Variants in SMC3 observed in about 807,000 individuals in gnomAD.
The protein encoded by SMC3 is structural maintenance of chromosomes protein 3.
A neutral mutation model predicts 171.8 loss-of-function variants in SMC3; 20 were observed. The observed-to-expected ratio is 0.12, with a 90% confidence interval of 0.08 to 0.17. The LOEUF (loss-of-function observed/expected upper bound fraction) is 0.17. Ranked by LOEUF, SMC3 falls within the 10% of genes least tolerant of loss-of-function variation. SMC3 has a pLI of 1.00. For synonymous variants in SMC3, 464 were observed against 451.1 expected, an observed-to-expected ratio of 1.03 and a Z score of -0.36; for missense variants, 543 against 1,420.4, an observed-to-expected ratio of 0.38 and a Z score of 9.93.
rs756824720 is a variant in SMC3, at chr10:110,584,328, A to G, written c.1237A>G (p.Ile413Val). 2.5e-6 allele frequency: 4 copies of G among 1,614,090 alleles called. No individual in the cohort carries two copies. The highest frequency in any genetic ancestry group is 3.4e-6 in the Non-Finnish European group (4 of 1,179,930). Residue 413 changes from isoleucine (I) to valine (V), a missense_variant, in exon 13 of 29, where the codon ATT (isoleucine) becomes GTT (valine). Ile to Val is a conservative substitution (Grantham distance 29, BLOSUM62 3). This residue lies in a region of SMC3 where 218 missense variants were observed against 509.6 expected (regional missense o/e 0.43). Transcript: ENST00000361804. The stretch of plus-strand genomic sequence containing the variant: ...GGCTATTAATGACAAGAAAAGACAG[A>G]TTGCTGCTATACATAAGGATTTGGA... ...DQAINDKKRQ[I>V]AAIHKDLEDT...
intron 17 of SMC3, 34 bp downstream of exon 17, chr10:110,591,166 T>C (rs1861199016): frequency 1.2e-6 from 2 of 1,600,314 alleles, no homozygotes; most frequent in Admixed American, 1.7e-5. Flanking sequence ...TATTTCTCTT[T>C]TATAATGTTA....
At chr10:110,578,757 C>G in intron 7 of SMC3, 51 bp downstream of exon 7, 2 of 1,377,390 alleles carry the variant, frequency 1.5e-6, no homozygotes, top group Non-Finnish European at 2.0e-6. Context: ...CTGAGTAATT[C>G]TTGAGTGATG....
chr10:110,592,391 A>G (rs1039407754), intron 17 of SMC3, among the ~76,000 whole-genome samples: 19 of 152,278 alleles, frequency 1.2e-4, no homozygotes, highest in African/African-American at 4.6e-4. Context: ...GAGCACACCC[A>G]TGACTTCTGG....
At chr10:110,602,686 AT>A in intron 26 of SMC3, 21 bp downstream of exon 26, 2 of 1,603,022 alleles carry the variant, frequency 1.2e-6, no homozygotes, top group Non-Finnish European at 1.7e-6. Context: ...TTTATATTCC[AT>A]TTTCCTCAGA....
rs1046086977 is a variant in SMC3, at chr10:110,600,557, G to A, written c.2535+11G>A. 5 of 977,236 alleles carry A rather than the reference G, an allele frequency of 5.1e-6. No individual in the cohort carries two copies. The highest frequency in any genetic ancestry group is 1.4e-5 in the South Asian group (1 of 73,202). The allele number at this position is 977,236 out of a possible 1,614,324, so 60.5% of individuals were successfully genotyped here. A position where few individuals can be genotyped will look rare whatever the true frequency, so the allele number is the denominator to read the frequency against. ...GACCAAGTAGAACAGGTGTGTATGT[G>A]TTTTTTTTTTTTTTTTTAAGGGCTC... On this transcript the variant is annotated intron_variant, in intron 22 of 28. Transcript: ENST00000361804.
intron 2 of SMC3, among the ~76,000 whole-genome samples, chr10:110,570,849 T>C (rs1328154143): frequency 6.6e-6 from 1 of 152,208 alleles, no homozygotes; most frequent in Non-Finnish European, 1.5e-5. Context: ...ATAACAGTAC[T>C]GATTAAACAT....
intron 25 of SMC3, 66 bp downstream of exon 25, chr10:110,602,244 G>T: frequency 6.9e-7 from 1 of 1,457,042 alleles, no homozygotes; most frequent in South Asian, 1.2e-5. Context: ...TTTTCAGTTT[G>T]TAAAGATTTT....
In SMC3 at chr10:110,569,082, A is replaced by G; in HGVS notation, c.91+69A>G. 8 of 964,008 alleles carry G rather than the reference A, an allele frequency of 8.3e-6. No individual in the cohort carries two copies. In the South Asian group the frequency reaches 1.0e-4, roughly 13 times the overall value. The allele number at this position is 964,008 out of a possible 1,614,324, so 59.7% of individuals were successfully genotyped here. A position where few individuals can be genotyped will look rare whatever the true frequency, so the allele number is the denominator to read the frequency against. ...GATAATGTAAATTCTGTCCATTTCT[A>G]TATTGGCTTAAGGAGACAGGAATTG... On this transcript the variant is annotated intron_variant, in intron 2 of 28. Coordinates refer to ENST00000361804, the MANE Select transcript of SMC3 (RefSeq NM_005445.4).
intron 23 of SMC3, 52 bp from the exon 24 acceptor site, chr10:110,601,585 T>A: frequency 3.8e-6 from 6 of 1,576,376 alleles, no homozygotes; most frequent in Non-Finnish European, 5.2e-6. Context: ...ACTCAACATA[T>A]AACACTGGCT....
At position 110,593,069 on chromosome 10, in the gene SMC3, T is replaced by TTA. The variant is rs1208021403; in HGVS notation, c.1813-3_1813-2dup. 6.2e-7 allele frequency: 1 copy of TTA among 1,612,524 alleles called. No individual in the cohort carries two copies. The highest frequency in any genetic ancestry group is 1.3e-5 in the African/African-American group (1 of 74,922). On this transcript the variant is annotated splice_polypyrimidine_tract_variant and splice_region_variant and intron_variant, in intron 17 of 28. Transcript: ENST00000361804. ...TCTCTCTGTTGACAAAATTTCATTT[T>TTA]TAGGATGCTATTCCTATGATCAGCA...
chr10:110,584,024 C>G, intron 12 of SMC3, 62 bp downstream of exon 12: 1 of 1,589,892 alleles, frequency 6.3e-7, no homozygotes. Context: ...CTAGGTTGTC[C>G]GAGGAGCTCA....
At chr10:110,577,351 C>T (rs1468111026) in intron 4 of SMC3, 70 bp from the exon 5 acceptor site, 49 of 1,203,582 alleles carry the variant, frequency 4.1e-5, no homozygotes, top group Non-Finnish European at 5.3e-5. Flanking sequence ...ATGCCCTAGA[C>T]TTTAAGAATC....
Position 110,599,386 on chromosome 10 carries a change from C to T in SMC3, c.2269-268C>T, listed in dbSNP as rs181435234. 2.1e-3 allele frequency among the ~76,000 whole-genome samples: 321 copies of T among 152,300 alleles called. 1 individual carries two copies. Among genetic ancestry groups the T allele is most frequent in the Non-Finnish European group, 3.9e-3 (266 of 68,030 alleles). On this transcript the variant is annotated intron_variant, in intron 20 of 28. Transcript: ENST00000361804. Reference sequence around the variant, plus strand: ...CTGGGGTTACAGGCGTGAGCCACTGCGCCCGGCAACTTTTTGTTCTTATAA... The same window carrying T: ...CTGGGGTTACAGGCGTGAGCCACTGTGCCCGGCAACTTTTTGTTCTTATAA...
chr10:110,578,650 C>G lies in SMC3; in HGVS notation c.373C>G (p.Leu125Val). The G allele has an allele frequency of 6.2e-7, 1 of 1,610,056 alleles. No individual in the cohort carries two copies. The highest frequency in any genetic ancestry group is 8.5e-7 in the Non-Finnish European group (1 of 1,177,574). Residue 125 changes from leucine (L) to valine (V), a missense_variant, in exon 7 of 29, where the codon CTT becomes GTT. Around this residue, in one of 8 missense-constraint regions of SMC3, gnomAD observed 146 missense variants for 437.9 expected, o/e 0.33. Coordinates refer to ENST00000361804, the MANE Select transcript of SMC3 (RefSeq NM_005445.4). ...MVTKNDVMNL[L>V]ESAGFSRSNP... Reference sequence around the variant, plus strand: ...CAGGAAAAATGATGTGATGAACCTCCTTGAAAGCGCTGGTTTTTCTCGAAG... The same window carrying G: ...CAGGAAAAATGATGTGATGAACCTCGTTGAAAGCGCTGGTTTTTCTCGAAG...
chr10:110,597,656 A>G (rs1197991704), intron 19 of SMC3, among the ~76,000 whole-genome samples: 3 of 152,198 alleles, frequency 2.0e-5, no homozygotes, highest in African/African-American at 4.8e-5. Flanking sequence ...CGTATGGGGA[A>G]ATACTGAGGA....
At chr10:110,582,731 C>A in intron 10 of SMC3, 89 bp downstream of exon 10, 1 of 959,620 alleles carries the variant, frequency 1.0e-6, no homozygotes, top group Non-Finnish European at 1.6e-6. Context: ...TACAGTGGTG[C>A]CATCATGGCT....
intron 17 of SMC3, among the ~76,000 whole-genome samples, chr10:110,592,516 G>A (rs1466065093): frequency 6.6e-6 from 1 of 151,988 alleles, no homozygotes; most frequent in Non-Finnish European, 1.5e-5. Flanking sequence ...TAAAAACCCT[G>A]TTCTAACAGT....
chr10:110,577,569 T>G, intron 5 of SMC3, 77 bp downstream of exon 5: 1 of 1,007,144 alleles, frequency 9.9e-7, no homozygotes, highest in Non-Finnish European at 1.5e-6. Flanking sequence ...TGAAACTTTT[T>G]AAGCTTTTAT....
At chr10:110,600,583 C>T (rs200596201) in intron 22 of SMC3, 37 bp downstream of exon 22, 13 of 1,008,674 alleles carry the variant, frequency 1.3e-5, no homozygotes, top group Middle Eastern at 2.1e-4. Context: ...TTAAGGGCTC[C>T]TTGGTGGCCA....
Sources: gnomAD v4.1 joint callset for allele counts (sites outside exome capture counted in the v4.1 genomes callset) on GRCh38, gnomAD v4.1.1 for gene constraint, gnomAD v4.1.1 regional missense constraint, MANE v1.5 for transcripts, NCBI Gene and HGNC (gene_info 2026-07-23, HGNC 2026-07-21) for gene names.